Variants in DENND2C observed in about 807,000 individuals in gnomAD.
DENND2C encodes the protein DENN domain-containing protein 2C.
Under a neutral mutation model 112.4 loss-of-function variants are expected in DENND2C, and 72 were observed. The observed-to-expected ratio is 0.64, with a 90% confidence interval of 0.53 to 0.78. The LOEUF (loss-of-function observed/expected upper bound fraction) is 0.78. Ranked by LOEUF, DENND2C falls within the 30% of genes least tolerant of loss-of-function variation. The pLI is 0.00. For missense variants in DENND2C, 992 were observed against 1,113.8 expected (o/e 0.89, Z 1.56); for synonymous variants, 329 against 381.6 (o/e 0.86, Z 1.61).
At chr1:114,594,646 C>A (rs1655290936) in intron 17 of DENND2C, 68 bp from the exon 18 acceptor site, 2 of 1,327,064 alleles carry the variant, frequency 1.5e-6, no homozygotes, top group South Asian at 2.5e-5. Flanking sequence ...TCAAATATGC[C>A]CTAGTTATTT....
rs774350711 is a variant in DENND2C at position 114,599,498 on chromosome 1, G to C, written c.2106-47C>G. 2.1e-6 allele frequency: 3 copies of C among 1,442,754 alleles called. No individual in the cohort carries two copies. The East Asian group carries it at 7.3e-5, about 35-fold the overall frequency. The allele number at this position is 1,442,754 out of a possible 1,614,324, so 89.4% of individuals were successfully genotyped here. On this transcript the variant is annotated intron_variant, in intron 15 of 20. Transcript: ENST00000393274. ...TGGTGTCATATATAGAGTAACATAA[G>C]GAGGACATTTCAGTTATTATGTTAA...
chr1:114,605,057 C>A, intron 10 of DENND2C, 26 bp from the exon 11 acceptor site: 1 of 1,532,180 alleles, frequency 6.5e-7, no homozygotes, highest in Non-Finnish European at 9.0e-7. Flanking sequence ...CCATAGGTGA[C>A]TTAAATTATA....
chr1:114,646,303 A>G lies in DENND2C; in HGVS notation c.-316-744T>C, dbSNP rs941588304. Reference sequence around the variant, plus strand: ...TGTTTAAGATAATTTTTTGCTGACAACCACTTGTCATTACAGAAAATCAAC... The same window carrying G: ...TGTTTAAGATAATTTTTTGCTGACAGCCACTTGTCATTACAGAAAATCAAC... On this transcript the variant is annotated intron_variant, in intron 2 of 20. Coordinates refer to ENST00000393274, the MANE Select transcript of DENND2C (RefSeq NM_001256404.2). 5.8e-4 allele frequency among the ~76,000 whole-genome samples: 89 copies of G among 152,274 alleles called. 1 individual carries two copies. Among genetic ancestry groups the G allele is most frequent in the Middle Eastern group, 6.8e-3 (2 of 294 alleles).
At chr1:114,621,749 A>C (rs1273354777) in intron 7 of DENND2C, 146 bp downstream of exon 7, 3 of 1,137,620 alleles carry the variant, frequency 2.6e-6, no homozygotes, top group Admixed American at 2.9e-5. Flanking sequence ...ATGAGCAAAA[A>C]TTTAAAACAT....
chr1:114,647,397 G>C (rs575015332), intron 2 of DENND2C, among the ~76,000 whole-genome samples: 1 of 150,518 alleles, frequency 6.6e-6, no homozygotes, highest in Non-Finnish European at 1.5e-5. Context: ...CTCTGTCACC[G>C]AGGCTGGGTG....
chr1:114,664,747 G>C (rs1216299290), intron 1 of DENND2C, among the ~76,000 whole-genome samples: 1 of 151,034 alleles, frequency 6.6e-6, no homozygotes, highest in Non-Finnish European at 1.5e-5. Context: ...CAAAGTGCTA[G>C]GATTACAGGT....
chr1:114,626,072 G>T lies in DENND2C; in HGVS notation c.-88C>A, dbSNP rs908979824. 7.8e-7 allele frequency: 1 copy of T among 1,281,984 alleles called. No homozygotes were observed. The highest frequency in any genetic ancestry group is 1.1e-6 in the Non-Finnish European group (1 of 937,746). 79.4% of individuals were successfully genotyped at this position (1,281,984 alleles called of 1,614,324 possible). A position where few individuals can be genotyped will look rare whatever the true frequency, so the allele number is the denominator to read the frequency against. The stretch of plus-strand genomic sequence containing the variant: ...AAATATTGTATTCTTTATCCTGTCA[G>T]AATCCAAATGATTCCAGTATTTTCC... On this transcript the variant is annotated 5_prime_UTR_variant, in exon 4 of 21. The change creates a new upstream start codon in the 5' untranslated region. Transcript: ENST00000393274.
Position 114,625,759 on chromosome 1 carries a change from G to C in DENND2C, c.226C>G (p.Arg76Gly). The change falls in exon 4 of 21, where the codon CGT becomes GGT. Residue 76 changes from arginine to glycine, a missense_variant. Arg to Gly is a moderately radical substitution (Grantham distance 125, BLOSUM62 -2). This residue lies in a region of DENND2C where 470 missense variants were observed against 472.7 expected (regional missense o/e 0.99). Transcript: ENST00000393274. The part of the protein sequence containing the change: ...RKSKNLDVTS[R>G]ENVGLDINEN... ...TTTATATCTAGACCCACATTTTCACGGCTGGTTACATCCAAGTTTTTGCTC... is the reference window on the plus strand; with the variant it reads ...TTTATATCTAGACCCACATTTTCACCGCTGGTTACATCCAAGTTTTTGCTC... The C allele has an allele frequency of 6.2e-7, 1 of 1,613,916 alleles. No homozygotes were observed. Among genetic ancestry groups the C allele is most frequent in the Non-Finnish European group, 8.5e-7 (1 of 1,179,998 alleles).
At chr1:114,621,711 G>T (rs951308395) in intron 7 of DENND2C, among the ~76,000 whole-genome samples, 184 bp downstream of exon 7, 13 of 152,148 alleles carry the variant, frequency 8.5e-5, no homozygotes, top group African/African-American at 2.9e-4. Flanking sequence ...CGAAACTCTG[G>T]CAAAAGCCAT....
chr1:114,629,104 GGAAATGAGTCA>G (rs1656421622), intron 3 of DENND2C, among the ~76,000 whole-genome samples: 1 of 152,120 alleles, frequency 6.6e-6, no homozygotes, highest in Admixed American at 6.5e-5. Context: ...TTTAACAGCA[GGAAATGAGTCA>G]GAGACTTTTC....
intron 3 of DENND2C, among the ~76,000 whole-genome samples, chr1:114,642,328 G>T (rs927255236): frequency 1.3e-5 from 2 of 152,090 alleles, no homozygotes; most frequent in African/African-American, 4.8e-5. Context: ...TGACATATAA[G>T]GTCTTTCACC....
rs115728151 is a variant in DENND2C, at chr1:114,603,672, G to A, written c.1667+1250C>T. Among the ~76,000 whole-genome samples, 61 of 151,732 alleles carry A rather than the reference G, an allele frequency of 4.0e-4. 2 individuals are homozygous for A. The East Asian group carries it at 7.8e-3, about 19-fold the overall frequency. ...AGTGATCCTCCTGCCTCAGCCTCCC[G>A]AGTAGCTACTGCACACCACCGTGTC... is the stretch of plus-strand genomic sequence containing the variant. On this transcript the variant is annotated intron_variant, in intron 11 of 20. Coordinates refer to ENST00000393274, the MANE Select transcript of DENND2C (RefSeq NM_001256404.2).
intron 2 of DENND2C, among the ~76,000 whole-genome samples, chr1:114,650,138 G>A (rs1324884794): frequency 2.0e-5 from 3 of 151,242 alleles, no homozygotes; most frequent in African/African-American, 2.4e-5. Flanking sequence ...CCTGGCTAAC[G>A]TGGTGAAACC....
chr1:114,655,577 G>A (rs1172984663), intron 1 of DENND2C, among the ~76,000 whole-genome samples: 5 of 151,684 alleles, frequency 3.3e-5, no homozygotes, highest in Admixed American at 2.6e-4. Flanking sequence ...TCCATCTCCC[G>A]GGTTCAAGTG....
In DENND2C at chr1:114,600,263, G is replaced by T; in HGVS notation, c.2046C>A (p.Ile682=). Residue 682 remains isoleucine (I), a synonymous_variant, in exon 15 of 21, where the codon ATC becomes ATA. Transcript: ENST00000393274. ...LFKCLSVCHL[I]RVCASLLLER... ...CCAAAAGGAGAGAGGCACAGACCCG[G>T]ATGAGATGACACACACTCAGGCACT... 1 of 1,614,064 alleles carries T rather than the reference G, an allele frequency of 6.2e-7. No individual in the cohort carries two copies. The highest frequency in any genetic ancestry group is 8.5e-7 in the Non-Finnish European group (1 of 1,179,984).
At chr1:114,659,857 T>C (rs969311487) in intron 1 of DENND2C, among the ~76,000 whole-genome samples, 7 of 140,624 alleles carry the variant, frequency 5.0e-5, no homozygotes, top group Non-Finnish European at 1.1e-4. Flanking sequence ...ACTGGCATAA[T>C]TGCAACTCAC....
intron 2 of DENND2C, among the ~76,000 whole-genome samples, chr1:114,647,407 G>A (rs1055883457): frequency 6.6e-5 from 10 of 151,518 alleles, no homozygotes; most frequent in African/African-American, 2.2e-4. Context: ...GAGGCTGGGT[G>A]CGTGATCTCG....
chr1:114,608,092 C>A (rs1297634066), intron 10 of DENND2C, among the ~76,000 whole-genome samples: 1 of 152,068 alleles, frequency 6.6e-6, no homozygotes, highest in Non-Finnish European at 1.5e-5. Flanking sequence ...CCCTGGCCAA[C>A]ATGGTGAAAC....
intron 3 of DENND2C, among the ~76,000 whole-genome samples, chr1:114,632,690 A>G (rs985689256): frequency 3.9e-5 from 6 of 152,332 alleles, no homozygotes; most frequent in African/African-American, 1.2e-4. Context: ...AGGTACACAT[A>G]AAGTTTTTTC....
Sources: gnomAD v4.1 joint callset for allele counts (sites outside exome capture counted in the v4.1 genomes callset) on GRCh38, gnomAD v4.1.1 for gene constraint, gnomAD v4.1.1 regional missense constraint, MANE v1.5 for transcripts, NCBI Gene and HGNC (gene_info 2026-07-23, HGNC 2026-07-21) for gene names.